FGGY: variants seen among roughly 807,000 people sequenced by gnomAD.
FGGY encodes FGGY carbohydrate kinase domain containing.
Under a neutral mutation model 71.3 loss-of-function variants are expected in FGGY, and 72 were observed. That is an observed-to-expected ratio of 1.01 (90% CI 0.84 to 1.23). The LOEUF (loss-of-function observed/expected upper bound fraction) is 1.23. Ranked by LOEUF, FGGY falls within the 50% of genes most tolerant of loss-of-function variation. The pLI is 0.00. For missense variants in FGGY, 668 were observed against 682.3 expected, an observed-to-expected ratio of 0.98 and a Z score of 0.23; for synonymous variants, 251 against 250.3, an observed-to-expected ratio of 1.00 and a Z score of -0.02.
At chr1:59,704,977 T>C (rs1020763027) in intron 14 of FGGY, among the ~76,000 whole-genome samples, 2 of 152,176 alleles carry the variant, frequency 1.3e-5, no homozygotes, top group African/African-American at 4.8e-5. Context: ...GGGCAGAAAA[T>C]GACTGCTCAT....
intron 14 of FGGY, among the ~76,000 whole-genome samples, chr1:59,728,629 G>A (rs1256338732): frequency 6.6e-6 from 1 of 151,558 alleles, no homozygotes; most frequent in Non-Finnish European, 1.5e-5. Context: ...TCTCTTTCAT[G>A]TTTGAAGGAT....
At chr1:59,715,041 G>A (rs2097833786) in intron 14 of FGGY, among the ~76,000 whole-genome samples, 1 of 152,138 alleles carries the variant, frequency 6.6e-6, no homozygotes, top group African/African-American at 2.4e-5. Context: ...CCCCTTTCAA[G>A]AAAAGCCCTT....
chr1:59,527,062 G>A (rs947682052), intron 7 of FGGY, among the ~76,000 whole-genome samples: 2 of 152,180 alleles, frequency 1.3e-5, no homozygotes, highest in Non-Finnish European at 2.9e-5. Flanking sequence ...AAACCTATCT[G>A]TTCAAATAGC....
At chr1:59,531,781 A>G (rs1293562977) in intron 7 of FGGY, among the ~76,000 whole-genome samples, 2 of 152,142 alleles carry the variant, frequency 1.3e-5, no homozygotes, top group African/African-American at 4.8e-5. Flanking sequence ...GTTATTTGGG[A>G]CCCCGAAAGT....
intron 1 of FGGY, chr1:59,310,250 A>T (rs1420135463): frequency 1.3e-5 from 2 of 152,188 alleles, no homozygotes; most frequent in African/African-American, 2.4e-5. Context: ...CAATATGCTG[A>T]TGATAATAGC....
At chr1:59,365,416 C>T (rs2056412163) in intron 4 of FGGY, among the ~76,000 whole-genome samples, 1 of 152,188 alleles carries the variant, frequency 6.6e-6, no homozygotes, top group Non-Finnish European at 1.5e-5. Context: ...CCTGTTCACC[C>T]TTTCCAAAGC....
intron 14 of FGGY, among the ~76,000 whole-genome samples, chr1:59,678,253 A>G (rs1431761048): frequency 6.6e-6 from 1 of 152,092 alleles, no homozygotes. Context: ...CCCTCCCTTT[A>G]CTCTTAGGAA....
At chr1:59,601,417 C>T (rs2096576817) in intron 8 of FGGY, among the ~76,000 whole-genome samples, 1 of 152,180 alleles carries the variant, frequency 6.6e-6, no homozygotes, top group African/African-American at 2.4e-5. Context: ...AAGCCAATGG[C>T]ATGCACTCAT....
chr1:59,536,963 T>C (rs1430868390), intron 7 of FGGY, among the ~76,000 whole-genome samples: 3 of 151,800 alleles, frequency 2.0e-5, no homozygotes, highest in Non-Finnish European at 2.9e-5. Flanking sequence ...CTCTCACCAC[T>C]CCTATTCAAC....
intron 4 of FGGY, among the ~76,000 whole-genome samples, chr1:59,371,102 A>G (rs1365238334): frequency 6.6e-6 from 1 of 152,202 alleles, no homozygotes; most frequent in African/African-American, 2.4e-5. Context: ...ATTAAAAGAC[A>G]CAGACTGGCA....
chr1:59,552,675 G>A (rs928404279), intron 7 of FGGY, among the ~76,000 whole-genome samples: 3 of 152,108 alleles, frequency 2.0e-5, no homozygotes, highest in African/African-American at 4.8e-5. Context: ...ACTTCCTTGG[G>A]CCCCTATAGG....
intron 11 of FGGY, among the ~76,000 whole-genome samples, chr1:59,639,941 A>C (rs988463159): frequency 6.6e-6 from 1 of 152,220 alleles, no homozygotes; most frequent in South Asian, 2.1e-4. Flanking sequence ...ATTCTAATAC[A>C]GTTGACCCAA....
chr1:59,482,292 T>G (rs1314789223), intron 6 of FGGY, among the ~76,000 whole-genome samples: 6 of 152,160 alleles, frequency 3.9e-5, no homozygotes, highest in Admixed American at 6.6e-5. Context: ...AAAACCAGCC[T>G]GATGTTTAGA....
Position 59,348,705 on chromosome 1 carries a change from G to A in FGGY, c.465+2307G>A, listed in dbSNP as rs1192672507. Among the ~76,000 whole-genome samples the A allele has an allele frequency of 2.0e-5, 3 of 152,148 alleles. No homozygotes were observed. The East Asian group carries it at 5.8e-4, about 29-fold the overall frequency. On this transcript the variant is annotated intron_variant, in intron 4 of 15. Coordinates refer to ENST00000303721, the MANE Select transcript of FGGY (RefSeq NM_018291.5). ...AGGGTGCCTAAGGATTGCCATCACG[G>A]GGCAGGAGAGTGGTAGGAAAGAAGG...
chr1:59,619,923 A>G (rs1010609794), intron 9 of FGGY, among the ~76,000 whole-genome samples: 1 of 151,938 alleles, frequency 6.6e-6, no homozygotes, highest in East Asian at 1.9e-4. Context: ...GAATGGTTAG[A>G]TTTTGGATAT....
chr1:59,321,811 C>A, intron 2 of FGGY, 61 bp downstream of exon 2: 1 of 1,506,616 alleles, frequency 6.6e-7, no homozygotes, highest in Non-Finnish European at 9.0e-7. Flanking sequence ...TGTCGTGTGT[C>A]AATCTGGTGC....
intron 6 of FGGY, among the ~76,000 whole-genome samples, chr1:59,463,707 T>G: frequency 6.8e-6 from 1 of 147,412 alleles, no homozygotes; most frequent in Admixed American, 6.8e-5. Context: ...AAGGCAGGGG[T>G]TGCAATCCTT....
intron 14 of FGGY, chr1:59,681,019 A>G (rs2097492537): frequency 6.6e-6 from 1 of 152,194 alleles, no homozygotes; most frequent in African/African-American, 2.4e-5. Flanking sequence ...TTTGGCATGG[A>G]AATATTCTAA....
intron 6 of FGGY, among the ~76,000 whole-genome samples, chr1:59,485,988 T>C (rs566444816): frequency 6.6e-6 from 1 of 152,322 alleles, no homozygotes; most frequent in South Asian, 2.1e-4. Flanking sequence ...CTCCAACTTT[T>C]CCCTATGTAG....
Sources: allele counts gnomAD v4.1 joint callset (sites outside exome capture counted in the v4.1 genomes callset), GRCh38; gene constraint gnomAD v4.1.1; transcripts MANE v1.5; gene names NCBI Gene and HGNC (gene_info 2026-07-23, HGNC 2026-07-21).